Variants in DTWD2 observed in about 807,000 individuals in gnomAD.
The protein encoded by DTWD2 is DTW motif tRNA-uridine aminocarboxypropyltransferase 2.
A neutral mutation model predicts 31.8 loss-of-function variants in DTWD2; 39 were observed. The observed-to-expected ratio is 1.22, with a 90% CI of 0.95 to 1.60. DTWD2 has a LOEUF of 1.60. Ranked by LOEUF, DTWD2 falls within the 40% of genes most tolerant of loss-of-function variation. The pLI is 0.00. For synonymous variants in DTWD2, 180 were observed against 142.8 expected, an observed-to-expected ratio of 1.26 and a Z score of -1.86; for missense variants, 515 against 381.5, an observed-to-expected ratio of 1.35 and a Z score of -2.92.
At chr5:118,916,304 G>A (rs994552249) in intron 4 of DTWD2, among the ~76,000 whole-genome samples, 3 of 151,998 alleles carry the variant, frequency 2.0e-5, no homozygotes, top group Non-Finnish European at 4.4e-5. Context: ...TTATTTTTTT[G>A]TTGTTATTTA....
At chr5:118,888,505 T>C (rs564743684) in intron 4 of DTWD2, among the ~76,000 whole-genome samples, 13 of 152,354 alleles carry the variant, frequency 8.5e-5, no homozygotes, top group South Asian at 8.3e-4. Flanking sequence ...CATGCACCTA[T>C]TGATGGACAT....
In DTWD2 at chr5:118,926,737, C is replaced by T. The variant is rs372370863; in HGVS notation, c.597+1800G>A. Reference sequence around the variant, plus strand: ...TTTTTTTTTTGGAGACAGGGTCTCTCTCTGGCACCCAGGCTGGAGTGCAGT... The same window carrying T: ...TTTTTTTTTTGGAGACAGGGTCTCTTTCTGGCACCCAGGCTGGAGTGCAGT... On this transcript the variant is annotated intron_variant, in intron 4 of 5. Coordinates refer to ENST00000510708, the MANE Select transcript of DTWD2 (RefSeq NM_173666.4). Among the ~76,000 whole-genome samples, 43 of 152,022 alleles carry T rather than the reference C, an allele frequency of 2.8e-4. No individual in the cohort carries two copies. The East Asian group carries it at 5.0e-3, about 18-fold the overall frequency.
chr5:118,968,516 G>A lies in DTWD2; in HGVS notation c.218+19778C>T, dbSNP rs537964677. Among the ~76,000 whole-genome samples the A allele has an allele frequency of 8.1e-4, 123 of 152,214 alleles. 1 individual carries two copies. The highest frequency in any genetic ancestry group is 2.7e-3 in the Admixed American group (41 of 15,286). Reference sequence around the variant, plus strand: ...GTGAGGAAAAGCAGGGTGGGGAGACGGCCCCTTCTGAAGCCAGGGAAGGCC... The same window carrying A: ...GTGAGGAAAAGCAGGGTGGGGAGACAGCCCCTTCTGAAGCCAGGGAAGGCC... On this transcript the variant is annotated intron_variant, in intron 1 of 5. Coordinates refer to ENST00000510708, the MANE Select transcript of DTWD2 (RefSeq NM_173666.4).
intron 4 of DTWD2, among the ~76,000 whole-genome samples, chr5:118,852,454 C>T (rs1044858925): frequency 7.2e-5 from 11 of 152,090 alleles, no homozygotes; most frequent in Admixed American, 1.3e-4. Flanking sequence ...TCCTGTGCTG[C>T]GACTCCAGCT....
intron 3 of DTWD2, among the ~76,000 whole-genome samples, chr5:118,936,031 T>A (rs1231459532): frequency 1.3e-5 from 2 of 152,098 alleles, no homozygotes; most frequent in Non-Finnish European, 2.9e-5. Context: ...AAACCTAAAA[T>A]CACAGAGTAT....
intron 4 of DTWD2, among the ~76,000 whole-genome samples, chr5:118,853,144 T>C (rs141909187): frequency 6.6e-6 from 1 of 152,302 alleles, no homozygotes; most frequent in East Asian, 1.9e-4. Context: ...GTATCATTCA[T>C]ACCCTAAACC....
chr5:118,963,272 T>G (rs576167464), intron 1 of DTWD2, among the ~76,000 whole-genome samples: 1 of 152,262 alleles, frequency 6.6e-6, no homozygotes, highest in Non-Finnish European at 1.5e-5. Flanking sequence ...AATGGTTTCA[T>G]GCAAGACATG....
chr5:118,978,045 A>G (rs1048185082), intron 1 of DTWD2, among the ~76,000 whole-genome samples: 1 of 152,040 alleles, frequency 6.6e-6, no homozygotes, highest in African/African-American at 2.4e-5. Context: ...CAGAAACAAG[A>G]CTACACACCT....
intron 4 of DTWD2, among the ~76,000 whole-genome samples, chr5:118,879,982 A>G (rs1447459769): frequency 6.6e-6 from 1 of 152,228 alleles, no homozygotes; most frequent in Non-Finnish European, 1.5e-5. Flanking sequence ...TTTTAATCAC[A>G]CTATCTGCAA....
At chr5:118,974,608 A>G (rs758784344) in intron 1 of DTWD2, 1 of 505,606 alleles carries the variant, frequency 2.0e-6, no homozygotes, top group South Asian at 1.5e-5. Context: ...GCATTCCAGT[A>G]ACTTTTTTGT....
At chr5:118,876,106 T>C (rs961747842) in intron 4 of DTWD2, among the ~76,000 whole-genome samples, 10 of 152,234 alleles carry the variant, frequency 6.6e-5, no homozygotes, top group African/African-American at 2.2e-4. Flanking sequence ...TGAATGACTT[T>C]TGGGTAAATA....
At chr5:118,872,132 G>A (rs971800938) in intron 4 of DTWD2, among the ~76,000 whole-genome samples, 1 of 152,076 alleles carries the variant, frequency 6.6e-6, no homozygotes, top group Non-Finnish European at 1.5e-5. Context: ...CAGAATTGAA[G>A]AGAGTTAGAG....
At chr5:118,951,490 C>A (rs540823560) in intron 1 of DTWD2, among the ~76,000 whole-genome samples, 83 of 152,234 alleles carry the variant, frequency 5.5e-4, no homozygotes, top group African/African-American at 1.8e-3. Flanking sequence ...GCACCTCAGA[C>A]CATTTGCCCA....
chr5:118,910,071 G>T (rs1275843447), intron 4 of DTWD2, among the ~76,000 whole-genome samples: 2 of 152,084 alleles, frequency 1.3e-5, no homozygotes, highest in African/African-American at 4.8e-5. Flanking sequence ...TATAACATGT[G>T]AACATTCATT....
chr5:118,902,581 T>C (rs1286733236), intron 4 of DTWD2, among the ~76,000 whole-genome samples: 1 of 152,110 alleles, frequency 6.6e-6, no homozygotes, highest in Non-Finnish European at 1.5e-5. Context: ...TTAGAAAATA[T>C]ATATGTTTTT....
intron 4 of DTWD2, among the ~76,000 whole-genome samples, chr5:118,888,865 T>C (rs1210051672): frequency 1.3e-5 from 2 of 152,200 alleles, no homozygotes; most frequent in Non-Finnish European, 2.9e-5. Flanking sequence ...GTTACTAATA[T>C]CTTTTCGTGT....
intron 1 of DTWD2, among the ~76,000 whole-genome samples, chr5:118,945,657 C>T (rs1489442765): frequency 2.6e-5 from 4 of 151,120 alleles, no homozygotes; most frequent in Admixed American, 6.6e-5. Flanking sequence ...CCCAGCAACT[C>T]GGGAAGTTGA....
chr5:118,857,499 T>C (rs1479650483), intron 4 of DTWD2, among the ~76,000 whole-genome samples: 1 of 152,198 alleles, frequency 6.6e-6, no homozygotes, highest in African/African-American at 2.4e-5. Flanking sequence ...CTTTTACCCA[T>C]TTTACAAAAA....
chr5:118,947,383 G>A (rs993486897), intron 1 of DTWD2, among the ~76,000 whole-genome samples: 5 of 152,332 alleles, frequency 3.3e-5, no homozygotes, highest in African/African-American at 1.2e-4. Flanking sequence ...CTCTAAGCGG[G>A]AAGGAGAGCT....
Sources: allele counts gnomAD v4.1 joint callset (sites outside exome capture counted in the v4.1 genomes callset), GRCh38; gene constraint gnomAD v4.1.1; transcripts MANE v1.5; gene names NCBI Gene and HGNC (gene_info 2026-07-23, HGNC 2026-07-21).